The following ZNF385C variants were observed in gnomAD, a reference collection of about 807,000 sequenced individuals.
ZNF385C encodes the protein zinc finger protein 385C.
ZNF385C carries 28 observed loss-of-function variants against 35.4 expected under a neutral mutation model. The observed-to-expected ratio is 0.79, with a 90% CI of 0.59 to 1.08. ZNF385C has a LOEUF of 1.08. ZNF385C is among the 50% of genes least tolerant of loss of function. The probability of loss-of-function intolerance (pLI) is 0.00; values close to 1 mark genes in which losing one functional copy is unlikely to be tolerated. For missense variants in ZNF385C, 605 were observed against 595.6 expected (o/e 1.02, Z -0.16); for synonymous variants, 248 against 248.2 (o/e 1.00, Z 0.01).
At chr17:42,086,611 A>G (rs1188557767) in intron 1 of ZNF385C, among the ~76,000 whole-genome samples, 4 of 147,818 alleles carry the variant, frequency 2.7e-5, no homozygotes, top group Admixed American at 6.8e-5. Context: ...CTGAGGCAGG[A>G]GAATAGCTTG....
At chr17:42,043,254 C>T (rs1555656319) in intron 2 of ZNF385C, 1 of 1,232,170 alleles carries the variant, frequency 8.1e-7, no homozygotes, top group Non-Finnish European at 1.0e-6. Flanking sequence ...AGAACATCAG[C>T]TTCCGCTCAT....
intron 2 of ZNF385C, chr17:42,041,204 G>A: frequency 8.1e-7 from 1 of 1,232,564 alleles, no homozygotes; most frequent in Non-Finnish European, 1.0e-6. Flanking sequence ...GACAGCCAGG[G>A]AAAGAAAGGG....
At chr17:42,031,903 G>A in intron 4 of ZNF385C, 119 bp from the exon 5 acceptor site, 21 of 1,111,254 alleles carry the variant, frequency 1.9e-5, no homozygotes, top group Non-Finnish European at 2.5e-5. Context: ...CACACAAAGG[G>A]CAAGTCCTTG....
At chr17:42,067,884 T>C (rs2053570767) in intron 1 of ZNF385C, among the ~76,000 whole-genome samples, 2 of 152,184 alleles carry the variant, frequency 1.3e-5, no homozygotes, top group African/African-American at 4.8e-5. Flanking sequence ...CCCGCCAGCA[T>C]GGGGACAGGG....
intron 2 of ZNF385C, chr17:42,061,657 G>C (rs1567992186): frequency 6.6e-6 from 1 of 152,434 alleles, no homozygotes; most frequent in Non-Finnish European, 1.5e-5. Flanking sequence ...CCAGTCACCA[G>C]AGCACCCTGG....
At chr17:42,034,397 G>T in intron 3 of ZNF385C, 62 bp from the exon 4 acceptor site, 3 of 1,276,292 alleles carry the variant, frequency 2.4e-6, no homozygotes, top group Non-Finnish European at 3.3e-6. Flanking sequence ...GGGGTCGGGG[G>T]CAGCACAAAA....
intron 1 of ZNF385C, among the ~76,000 whole-genome samples, chr17:42,063,950 T>A (rs1313887336): frequency 2.6e-5 from 4 of 152,046 alleles, no homozygotes; most frequent in African/African-American, 7.3e-5. Context: ...CCCCCTGCTG[T>A]CTTGGCAACC....
chr17:42,028,891 C>T lies in ZNF385C; in HGVS notation c.859G>A (p.Val287Met), dbSNP rs782750056. Residue 287 changes from valine (V) to methionine (M), a missense_variant, in exon 6 of 9, where the codon GTG becomes ATG. Transcript: ENST00000692273. The stretch of plus-strand genomic sequence containing the variant: ...CCTTCCCCACTCATGCTGCTTCCCA[C>T]GGCAGCTGCCGCTGGCTCAGGCCCC... ...APGPEPAAAA[V>M]GSSMSGEGRS... The T allele has an allele frequency of 1.5e-5, 23 of 1,550,580 alleles. No homozygotes were observed. Among genetic ancestry groups the T allele is most frequent in the Middle Eastern group, 1.7e-4 (1 of 5,992 alleles).
intron 1 of ZNF385C, among the ~76,000 whole-genome samples, chr17:42,084,156 C>G (rs1307474880): frequency 6.6e-6 from 1 of 151,186 alleles, no homozygotes; most frequent in African/African-American, 2.4e-5. Flanking sequence ...CTAGTCTGTG[C>G]TGAACATATC....
intron 2 of ZNF385C, among the ~76,000 whole-genome samples, chr17:42,048,203 C>T (rs1011297860): frequency 6.6e-6 from 1 of 151,994 alleles, no homozygotes; most frequent in Admixed American, 6.6e-5. Flanking sequence ...GCTGCCTCCC[C>T]GGCCTGTTCC....
At chr17:42,055,632 A>G (rs561216812) in intron 2 of ZNF385C, among the ~76,000 whole-genome samples, 1 of 152,246 alleles carries the variant, frequency 6.6e-6, no homozygotes, top group Non-Finnish European at 1.5e-5. Flanking sequence ...ACTGGGGAGA[A>G]AACGGCAACC....
At chr17:42,080,940 C>G (rs1420148487) in intron 1 of ZNF385C, among the ~76,000 whole-genome samples, 2 of 152,202 alleles carry the variant, frequency 1.3e-5, no homozygotes, top group African/African-American at 4.8e-5. Context: ...CCTCTCTGAT[C>G]TATAAAATGG....
intron 1 of ZNF385C, among the ~76,000 whole-genome samples, chr17:42,064,127 C>G (rs1333603567): frequency 2.0e-5 from 3 of 150,644 alleles, no homozygotes; most frequent in Non-Finnish European, 3.0e-5. Context: ...CACTTTCTGT[C>G]TCTTCGGGAC....
intron 2 of ZNF385C, among the ~76,000 whole-genome samples, chr17:42,055,368 A>T (rs1232607449): frequency 6.6e-6 from 1 of 150,958 alleles, no homozygotes; most frequent in Non-Finnish European, 1.5e-5. Flanking sequence ...CTAATTCTGT[A>T]CCCAGACAGC....
intron 2 of ZNF385C, among the ~76,000 whole-genome samples, chr17:42,044,225 T>A (rs1486661363): frequency 6.7e-6 from 1 of 148,724 alleles, no homozygotes; most frequent in African/African-American, 2.5e-5. Context: ...GCAGGATTGC[T>A]TGAGCCTGGG....
At chr17:42,058,925 G>C (rs1034685338) in intron 2 of ZNF385C, among the ~76,000 whole-genome samples, 7 of 152,238 alleles carry the variant, frequency 4.6e-5, no homozygotes, top group Non-Finnish European at 7.3e-5. Context: ...CCAAAGTGTT[G>C]GGATGACAGG....
chr17:42,040,524 C>T lies in ZNF385C; in HGVS notation c.251-2639G>A. ...GCACAGAGGGCAGGGCATCCAGCAGCAGGTGGGTGAAGGCCACGAAGGTGA... is the reference window on the plus strand; with the variant it reads ...GCACAGAGGGCAGGGCATCCAGCAGTAGGTGGGTGAAGGCCACGAAGGTGA... On this transcript the variant is annotated intron_variant, in intron 2 of 8. Coordinates refer to ENST00000692273, the MANE Select transcript of ZNF385C (RefSeq NM_001392013.1). 7 of 1,232,820 alleles carry T rather than the reference C, an allele frequency of 5.7e-6. No homozygotes were observed. In the South Asian group the frequency reaches 2.5e-4, roughly 43 times the overall value. The allele number at this position is 1,232,820 out of a possible 1,614,324, so 76.4% of individuals were successfully genotyped here. A position where few individuals can be genotyped will look rare whatever the true frequency, so the allele number is the denominator to read the frequency against.
At chr17:42,038,055 T>C in intron 2 of ZNF385C, 170 bp from the exon 3 acceptor site, 1 of 1,535,470 alleles carries the variant, frequency 6.5e-7, no homozygotes, top group Non-Finnish European at 8.7e-7. Flanking sequence ...CTCTGTGCCC[T>C]TCCTCCCCAC....
At chr17:42,079,203 AATATATATATATATACAT>A (rs1475283830) in intron 1 of ZNF385C, among the ~76,000 whole-genome samples, 20 of 113,820 alleles carry the variant, frequency 1.8e-4, no homozygotes, top group South Asian at 2.5e-4. Context: ...AAAAAAAAAA[AATATATATATATATACAT>A]ATATATATAT....
Sources: gnomAD v4.1 joint callset for allele counts (sites outside exome capture counted in the v4.1 genomes callset) on GRCh38, gnomAD v4.1.1 for gene constraint, MANE v1.5 for transcripts, NCBI Gene and HGNC (gene_info 2026-07-23, HGNC 2026-07-21) for gene names.